The following TMEM132C variants were observed in gnomAD, a reference collection of about 807,000 sequenced individuals.
TMEM132C encodes protein phosphatase 1, regulatory subunit 152.
Under a neutral mutation model 61.4 loss-of-function variants are expected in TMEM132C, and 29 were observed. The ratio of observed to expected loss-of-function variants is 0.47; its 90% CI spans 0.35 to 0.64. The LOEUF is 0.64. TMEM132C is among the 30% of genes least tolerant of loss of function. The probability of loss-of-function intolerance (pLI) is 0.00; values close to 1 mark genes in which losing one functional copy is unlikely to be tolerated. For missense variants in TMEM132C, 1,408 were observed against 1,476.9 expected, an observed-to-expected ratio of 0.95 and a Z score of 0.76; for synonymous variants, 656 against 633.1, an observed-to-expected ratio of 1.04 and a Z score of -0.54.
chr12:128,414,882 C>T lies in TMEM132C; in HGVS notation c.236C>T (p.Ala79Val), dbSNP rs376257454. The T allele has an allele frequency of 5.8e-6, 9 of 1,551,758 alleles. No individual in the cohort carries two copies. The highest frequency in any genetic ancestry group is 3.6e-5 in the South Asian group (3 of 84,070). The change falls in exon 2 of 9, where the codon GCG (alanine) becomes GTG (valine). Residue 79 changes from alanine (A) to valine (V), a missense_variant. Coordinates refer to ENST00000435159, the MANE Select transcript of TMEM132C (RefSeq NM_001136103.3). ...QDLLRNSSLQ[A>V]RVESFFTYKT... ...CTGCTGCGGAACTCCAGCCTGCAGG[C>T]GAGGGTGGAGTCCTTCTTTACCTAC... is the stretch of plus-strand genomic sequence containing the variant.
chr12:128,600,768 C>T (rs1353554761), intron 3 of TMEM132C, among the ~76,000 whole-genome samples: 2 of 152,204 alleles, frequency 1.3e-5, no homozygotes, highest in Admixed American at 6.5e-5. Context: ...CGCTTCTGCA[C>T]CTCTCCCACT....
intron 1 of TMEM132C, among the ~76,000 whole-genome samples, chr12:128,391,534 A>G: frequency 6.6e-6 from 1 of 152,196 alleles, no homozygotes; most frequent in African/African-American, 2.4e-5. Flanking sequence ...CGGTGAGGGA[A>G]CCATCCTAGT....
chr12:128,277,615 T>C (rs1421404676), intron 1 of TMEM132C, among the ~76,000 whole-genome samples: 1 of 152,088 alleles, frequency 6.6e-6, no homozygotes, highest in East Asian at 1.9e-4. Flanking sequence ...ATAGAAGGTG[T>C]GATGATGCCC....
chr12:128,268,887 G>A (rs771241073), intron 1 of TMEM132C, among the ~76,000 whole-genome samples: 43 of 88,694 alleles, frequency 4.8e-4, no homozygotes, highest in Non-Finnish European at 8.4e-4. Context: ...GGGTGAGAGA[G>A]GGGGGGGAAG....
At chr12:128,486,125 G>A (rs535756192) in intron 2 of TMEM132C, among the ~76,000 whole-genome samples, 4 of 152,268 alleles carry the variant, frequency 2.6e-5, no homozygotes, top group African/African-American at 4.8e-5. Flanking sequence ...TCTACTCGGC[G>A]ACACCTTCTG....
intron 5 of TMEM132C, among the ~76,000 whole-genome samples, chr12:128,674,155 T>C (rs569000847): frequency 6.6e-6 from 1 of 152,350 alleles, no homozygotes; most frequent in South Asian, 2.1e-4. Flanking sequence ...CTAAGCTGGT[T>C]TCTGTCTCTA....
chr12:128,322,697 C>A (rs974277548), intron 1 of TMEM132C, among the ~76,000 whole-genome samples: 1 of 152,150 alleles, frequency 6.6e-6, no homozygotes, highest in Non-Finnish European at 1.5e-5. Flanking sequence ...CCCAAAAGAC[C>A]CTTGTGAAGC....
chr12:128,685,573 AGTCCAAGCTTGGACTG>A (rs1954666887), intron 5 of TMEM132C, among the ~76,000 whole-genome samples: 1 of 150,794 alleles, frequency 6.6e-6, no homozygotes, highest in Admixed American at 6.6e-5. Flanking sequence ...ACATTTCCTA[AGTCCAAGCTTGGACTG>A]GTCCAAGCAT....
At chr12:128,511,200 C>G (rs904630842) in intron 2 of TMEM132C, among the ~76,000 whole-genome samples, 3 of 152,214 alleles carry the variant, frequency 2.0e-5, no homozygotes, top group Admixed American at 2.0e-4. Flanking sequence ...TGGAGTACAC[C>G]TCTGCACTGT....
At chr12:128,622,360 A>AAAAAAAAAAAT (rs1277080166) in intron 4 of TMEM132C, among the ~76,000 whole-genome samples, 14 of 30,116 alleles carry the variant, frequency 4.6e-4, no homozygotes, top group African/African-American at 2.3e-3. Flanking sequence ...AAAAAAAAAA[A>AAAAAAAAAAAT]ATATATATAT....
At chr12:128,535,387 T>G (rs1873484133) in intron 2 of TMEM132C, among the ~76,000 whole-genome samples, 1 of 150,334 alleles carries the variant, frequency 6.7e-6, no homozygotes, top group South Asian at 2.1e-4. Flanking sequence ...CAAACAAATT[T>G]ACAAGAAAAA....
At chr12:128,497,162 C>T (rs961412742) in intron 2 of TMEM132C, among the ~76,000 whole-genome samples, 5 of 152,108 alleles carry the variant, frequency 3.3e-5, no homozygotes, top group Non-Finnish European at 7.3e-5. Flanking sequence ...TGCTGAACAG[C>T]AAATGTTGCT....
chr12:128,294,645 T>A (rs530308643), intron 1 of TMEM132C, among the ~76,000 whole-genome samples: 30 of 151,992 alleles, frequency 2.0e-4, no homozygotes, highest in South Asian at 1.5e-3. Flanking sequence ...ACCAGCAGAT[T>A]CACTATCTGG....
intron 2 of TMEM132C, among the ~76,000 whole-genome samples, chr12:128,518,517 G>T (rs1461066807): frequency 6.6e-5 from 10 of 152,226 alleles, no homozygotes; most frequent in Non-Finnish European, 8.8e-5. Context: ...GATGCCACAC[G>T]TAGGGTCCAT....
In TMEM132C at chr12:128,658,966, C is replaced by T. The variant is rs55778794; in HGVS notation, c.1306-10451C>T. 2.1e-3 allele frequency among the ~76,000 whole-genome samples: 320 copies of T among 152,304 alleles called. 1 individual carries two copies. The highest frequency in any genetic ancestry group is 7.4e-3 in the African/African-American group (308 of 41,564). ...AGAAAGCAATAAGGACAGGAGTTAG[C>T]TTCTGCAAAAGGAAGATGACTCCAT... is the stretch of plus-strand genomic sequence containing the variant. On this transcript the variant is annotated intron_variant, in intron 4 of 8. Coordinates refer to ENST00000435159, the MANE Select transcript of TMEM132C (RefSeq NM_001136103.3).
chr12:128,419,078 C>T (rs1031966019), intron 2 of TMEM132C, among the ~76,000 whole-genome samples: 1 of 152,092 alleles, frequency 6.6e-6, no homozygotes, highest in African/African-American at 2.4e-5. Flanking sequence ...ACACTTCCTG[C>T]CCAAGTGAAG....
At chr12:128,542,430 C>G (rs900919848) in intron 2 of TMEM132C, among the ~76,000 whole-genome samples, 1 of 152,130 alleles carries the variant, frequency 6.6e-6, no homozygotes, top group East Asian at 1.9e-4. Flanking sequence ...CTAAACCTCC[C>G]GAGTAGCTGG....
intron 3 of TMEM132C, among the ~76,000 whole-genome samples, chr12:128,581,421 C>T (rs2135559640): frequency 6.6e-6 from 1 of 152,262 alleles, no homozygotes; most frequent in East Asian, 1.9e-4. Flanking sequence ...AGGGGAAACA[C>T]CCTTTATTGC....
At chr12:128,535,683 A>G (rs1301050314) in intron 2 of TMEM132C, among the ~76,000 whole-genome samples, 4 of 152,198 alleles carry the variant, frequency 2.6e-5, no homozygotes, top group African/African-American at 9.7e-5. Context: ...CTTAGCTAAC[A>G]CAGTGAAACC....
Sources: allele counts gnomAD v4.1 joint callset (sites outside exome capture counted in the v4.1 genomes callset), GRCh38; gene constraint gnomAD v4.1.1; transcripts MANE v1.5; gene names NCBI Gene and HGNC (gene_info 2026-07-23, HGNC 2026-07-21).